Variants in STPG2 observed in about 807,000 individuals in gnomAD.
The protein encoded by STPG2 is sperm-tail PG-rich repeat-containing protein 2.
A neutral mutation model predicts 54.2 loss-of-function variants in STPG2; 56 were observed. The ratio of observed to expected loss-of-function variants is 1.03; its 90% CI spans 0.83 to 1.29. The LOEUF (loss-of-function observed/expected upper bound fraction) is 1.29. Among genes scored for constraint, STPG2 ranks in the 50% most tolerant of loss-of-function variants. STPG2 has a pLI of 0.00. For synonymous variants in STPG2, 200 were observed against 181.8 expected, an observed-to-expected ratio of 1.10 and a Z score of -0.81; for missense variants, 596 against 544.9, an observed-to-expected ratio of 1.09 and a Z score of -0.93.
At chr4:97,724,964 G>A (rs1724569534) in intron 9 of STPG2, among the ~76,000 whole-genome samples, 1 of 152,032 alleles carries the variant, frequency 6.6e-6, no homozygotes, top group African/African-American at 2.4e-5. Context: ...GAATACCCTA[G>A]AAAACACTGC....
chr4:97,686,861 C>T (rs1723205229), intron 10 of STPG2, among the ~76,000 whole-genome samples: 1 of 151,556 alleles, frequency 6.6e-6, no homozygotes, highest in Admixed American at 6.6e-5. Context: ...TAACTAATTT[C>T]CCAAGCGTAA....
intron 4 of STPG2, among the ~76,000 whole-genome samples, chr4:97,537,767 T>C (rs1255253009): frequency 6.6e-6 from 1 of 152,154 alleles, no homozygotes; most frequent in Non-Finnish European, 1.5e-5. Context: ...CCCTGACCCC[T>C]GAGTAGATTA....
At chr4:97,852,967 CTTTTTTTTTT>C (rs574886386) in intron 8 of STPG2, among the ~76,000 whole-genome samples, 3 of 69,630 alleles carry the variant, frequency 4.3e-5, no homozygotes, top group Non-Finnish European at 5.0e-5. Flanking sequence ...AACATATTTT[CTTTTTTTTTT>C]TTTTTTTTTT....
chr4:97,496,617 T>C (rs1400751684), intron 4 of STPG2, among the ~76,000 whole-genome samples: 3 of 151,794 alleles, frequency 2.0e-5, no homozygotes, highest in Non-Finnish European at 4.4e-5. Flanking sequence ...ATCTTCCTGT[T>C]GGAAAATCAT....
intron 8 of STPG2, among the ~76,000 whole-genome samples, chr4:97,923,562 G>C (rs1578695348): frequency 6.6e-6 from 1 of 152,240 alleles, no homozygotes; most frequent in African/African-American, 2.4e-5. Context: ...TCTGTATCTA[G>C]CTCAAGGTTT....
At chr4:97,585,168 T>C (rs897349242) in intron 10 of STPG2, among the ~76,000 whole-genome samples, 3 of 124,636 alleles carry the variant, frequency 2.4e-5, no homozygotes, top group African/African-American at 8.8e-5. Flanking sequence ...AAAAAGATAA[T>C]CCACCATGAT....
intron 7 of STPG2, among the ~76,000 whole-genome samples, chr4:97,958,363 T>C (rs1470070078): frequency 6.6e-6 from 1 of 151,546 alleles, no homozygotes; most frequent in African/African-American, 2.4e-5. Context: ...ACAAATAGCA[T>C]GATAAATGGA....
intron 8 of STPG2, among the ~76,000 whole-genome samples, chr4:97,917,756 A>G (rs1348535046): frequency 1.3e-5 from 2 of 152,170 alleles, no homozygotes; most frequent in Non-Finnish European, 2.9e-5. Context: ...TGCAGAATAC[A>G]ATGTCAAAGA....
chr4:97,871,744 A>T (rs527479353), intron 8 of STPG2, among the ~76,000 whole-genome samples: 1 of 151,240 alleles, frequency 6.6e-6, no homozygotes, highest in East Asian at 1.9e-4. Context: ...AAGCTACATA[A>T]ATTGTTCTAA....
chr4:97,969,094 T>A lies in STPG2; in HGVS notation c.933+3186A>T, dbSNP rs1734224303. ...CTCATCTTGCCACGGCTCTTCTAGG[T>A]CTTTTTAGGGTTAAGACATACTCCC... On this transcript the variant is annotated intron_variant, in intron 7 of 10. Coordinates refer to ENST00000295268, the MANE Select transcript of STPG2 (RefSeq NM_174952.3). Among the ~76,000 whole-genome samples, 3 of 152,160 alleles carry A rather than the reference T, an allele frequency of 2.0e-5. No homozygotes were observed. The South Asian group carries it at 6.2e-4, about 32-fold the overall frequency.
chr4:97,820,897 C>G (rs1728067455), intron 9 of STPG2, among the ~76,000 whole-genome samples: 1 of 152,162 alleles, frequency 6.6e-6, no homozygotes, highest in South Asian at 2.1e-4. Flanking sequence ...CACTTCCCAC[C>G]AGGCCCCACC....
rs563717752 is a variant in STPG2, at chr4:97,565,916, A to G, written c.1321-6799T>C. On this transcript the variant is annotated intron_variant, in intron 10 of 10. Coordinates refer to ENST00000295268, the MANE Select transcript of STPG2 (RefSeq NM_174952.3). ...ACCCACTTGAGGAGGCAGTCTGCCCATTCTCAGATCTCCAGCTGCATGCTG... is the reference window on the plus strand; with the variant it reads ...ACCCACTTGAGGAGGCAGTCTGCCCGTTCTCAGATCTCCAGCTGCATGCTG... Among the ~76,000 whole-genome samples, 650 of 152,288 alleles carry G rather than the reference A, an allele frequency of 4.3e-3. 4 individuals are homozygous for G. The highest frequency in any genetic ancestry group is 0.024 in the South Asian group (116 of 4,830).
rs950885344 is a variant in STPG2 at position 98,095,227 on chromosome 4, C to T, written c.612+10726G>A. ...ATTCCACCAAAGAAAATCACTTCCA[C>T]GAAAAGGAAGACAGGAAGGCATGAA... On this transcript the variant is annotated intron_variant, in intron 5 of 10. Coordinates refer to ENST00000295268, the MANE Select transcript of STPG2 (RefSeq NM_174952.3). 5.9e-5 allele frequency among the ~76,000 whole-genome samples: 9 copies of T among 151,892 alleles called. No individual in the cohort carries two copies. In the East Asian group the frequency reaches 7.7e-4, roughly 13 times the overall value.
rs538225345 is a variant in STPG2 at position 97,669,753 on chromosome 4, G to A, written c.1320+42946C>T. Among the ~76,000 whole-genome samples the A allele has an allele frequency of 1.1e-3, 30 of 26,642 alleles. 11 individuals are homozygous for A. The South Asian group carries it at 0.018, about 16-fold the overall frequency. The allele number at this position is 26,642 out of a possible 152,430, so 17.5% of individuals were successfully genotyped here. A position where few individuals can be genotyped will look rare whatever the true frequency, so the allele number is the denominator to read the frequency against. On this transcript the variant is annotated intron_variant, in intron 10 of 10. Coordinates refer to ENST00000295268, the MANE Select transcript of STPG2 (RefSeq NM_174952.3). ...GGAGCTTGCAGTGAGCCGAGATTGC[G>A]CCACTGCAGTCCGCAGTCCGGCCTG...
intron 9 of STPG2, among the ~76,000 whole-genome samples, chr4:97,724,698 G>T (rs1724562581): frequency 6.6e-6 from 1 of 151,962 alleles, no homozygotes; most frequent in Non-Finnish European, 1.5e-5. Flanking sequence ...TTCTTTTTGT[G>T]TTATTAGGTA....
intron 8 of STPG2, among the ~76,000 whole-genome samples, chr4:97,892,232 C>A (rs750571848): frequency 6.6e-6 from 1 of 152,032 alleles, no homozygotes; most frequent in Non-Finnish European, 1.5e-5. Context: ...ACTCTTAGAA[C>A]AATAAGTCCA....
intron 9 of STPG2, among the ~76,000 whole-genome samples, chr4:97,713,354 C>T (rs1392655533): frequency 1.3e-5 from 2 of 152,168 alleles, no homozygotes; most frequent in Admixed American, 1.3e-4. Context: ...TGGGTTCCAA[C>T]TTGTATTCTT....
intron 3 of STPG2, among the ~76,000 whole-genome samples, chr4:98,117,603 C>G (rs934976549): frequency 6.6e-6 from 1 of 151,858 alleles, no homozygotes; most frequent in Non-Finnish European, 1.5e-5. Flanking sequence ...GCTCTGAATA[C>G]TCTTCTTCAT....
chr4:97,542,059 A>G (rs926595306), intron 4 of STPG2, among the ~76,000 whole-genome samples: 8 of 152,126 alleles, frequency 5.3e-5, no homozygotes, highest in African/African-American at 9.7e-5. Context: ...ACATAGGCAT[A>G]GGCAAGGACT....
Sources: allele counts gnomAD v4.1 joint callset (sites outside exome capture counted in the v4.1 genomes callset), GRCh38; gene constraint gnomAD v4.1.1; transcripts MANE v1.5; gene names NCBI Gene and HGNC (gene_info 2026-07-23, HGNC 2026-07-21).